The following FBXL13 variants were observed in gnomAD, a reference collection of about 807,000 sequenced individuals.
FBXL13 encodes the protein F-box and leucine-rich repeat protein 13.
FBXL13 carries 67 observed loss-of-function variants against 83.6 expected under a neutral mutation model. The observed-to-expected ratio is 0.80, with a 90% CI of 0.66 to 0.98. The LOEUF (loss-of-function observed/expected upper bound fraction) is 0.98. Among genes scored for constraint, FBXL13 ranks in the 50% least tolerant of loss-of-function variants. FBXL13 has a pLI of 0.00. For missense variants in FBXL13, 822 were observed against 866.5 expected (o/e 0.95, Z 0.64); for synonymous variants, 272 against 299.5 (o/e 0.91, Z 0.95).
downstream of FBXL13, among the ~76,000 whole-genome samples, chr7:102,811,720 A>C (rs1417961222): frequency 6.6e-6 from 1 of 152,146 alleles, no homozygotes; most frequent in East Asian, 1.9e-4. Context: ...ATTTTTGAAA[A>C]CATCTTTAAT....
intron 11 of FBXL13, among the ~76,000 whole-genome samples, chr7:102,909,660 C>T (rs1400985164): frequency 1.3e-5 from 2 of 152,102 alleles, no homozygotes; most frequent in African/African-American, 4.8e-5. Flanking sequence ...CCTTCTGGCC[C>T]AGAGTGTGTC....
At chr7:102,888,103 T>A (rs574812336) in intron 11 of FBXL13, among the ~76,000 whole-genome samples, 28 of 152,366 alleles carry the variant, frequency 1.8e-4, no homozygotes, top group African/African-American at 6.5e-4. Context: ...GTGTGTGCCT[T>A]ACTTTCCTTC....
intron 16 of FBXL13, 132 bp from the exon 18 acceptor site, chr7:102,854,992 A>G (rs1020781290): frequency 3.4e-5 from 17 of 506,042 alleles, no homozygotes; most frequent in Non-Finnish European, 4.8e-5. Context: ...AGTTGCTGTC[A>G]TATTTCTTTA....
chr7:102,905,298 G>T (rs1813590636), intron 11 of FBXL13, among the ~76,000 whole-genome samples: 1 of 152,096 alleles, frequency 6.6e-6, no homozygotes, highest in Admixed American at 6.5e-5. Context: ...CTCCAGTGTT[G>T]GGTGCATATA....
chr7:102,931,730 G>A, intron 9 of FBXL13, 151 bp downstream of exon 10: 2 of 626,560 alleles, frequency 3.2e-6, no homozygotes, highest in Non-Finnish European at 5.5e-6. Flanking sequence ...TTGTGCAGAT[G>A]GAGTAAAATT....
chr7:102,924,740 C>A (rs1033811250), intron 10 of FBXL13, among the ~76,000 whole-genome samples: 2 of 146,320 alleles, frequency 1.4e-5, no homozygotes, highest in African/African-American at 5.0e-5. Flanking sequence ...CTCCTGGGTT[C>A]ATGCCATTCT....
At chr7:102,976,551 CACCTTAAA>C (rs1263720293) in intron 6 of FBXL13, among the ~76,000 whole-genome samples, 2 of 152,154 alleles carry the variant, frequency 1.3e-5, no homozygotes, top group African/African-American at 4.8e-5. Flanking sequence ...TCCAACCTCC[CACCTTAAA>C]ACATGCAACC....
At chr7:103,021,178 G>A (rs1213006076) in intron 6 of FBXL13, among the ~76,000 whole-genome samples, 31 of 152,006 alleles carry the variant, frequency 2.0e-4, no homozygotes, top group African/African-American at 5.6e-4. Flanking sequence ...AAATAATGCC[G>A]CATATCTACA....
intron 6 of FBXL13, among the ~76,000 whole-genome samples, chr7:102,983,213 A>G (rs1327545653): frequency 6.6e-6 from 1 of 152,094 alleles, no homozygotes; most frequent in African/African-American, 2.4e-5. Context: ...CAATTTCCTC[A>G]TGCAGTGTAG....
In FBXL13 at chr7:102,972,955, G is replaced by GTTA. The variant is rs1402789272; in HGVS notation, c.496-4839_496-4838insTAA. Among the ~76,000 whole-genome samples the GTTA allele has an allele frequency of 5.9e-5, 9 of 151,972 alleles. No homozygotes were observed. The East Asian group carries it at 1.7e-3, about 29-fold the overall frequency. On this transcript the variant is annotated intron_variant, in intron 6 of 19. Transcript: ENST00000313221. ...CAAATAATAATTAAAATGCATTTAT[G>GTTA]GTTAAAATGTGATGTTTTGATTTAT...
At chr7:103,066,884 T>C (rs939299054) in intron 1 of FBXL13, among the ~76,000 whole-genome samples, 25 of 150,618 alleles carry the variant, frequency 1.7e-4, no homozygotes, top group African/African-American at 6.1e-4. Context: ...CTTCGCCTCC[T>C]GGGTTCAAGA....
At chr7:102,880,462 T>C (rs1484198017) in intron 14 of FBXL13, among the ~76,000 whole-genome samples, 2 of 152,230 alleles carry the variant, frequency 1.3e-5, no homozygotes, top group Non-Finnish European at 2.9e-5. Context: ...TCAATAACTA[T>C]ATTACATCAT....
chr7:102,835,702 C>T (rs960434957), intron 17 of FBXL13, among the ~76,000 whole-genome samples: 4 of 137,524 alleles, frequency 2.9e-5, no homozygotes, highest in East Asian at 2.2e-4. Flanking sequence ...CTCCGCCTCC[C>T]GGGTTCACGC....
intron 6 of FBXL13, among the ~76,000 whole-genome samples, chr7:102,984,444 A>G (rs921525915): frequency 5.9e-5 from 9 of 152,240 alleles, no homozygotes; most frequent in African/African-American, 2.2e-4. Context: ...CTTATGCAAT[A>G]ATGAAGGCCA....
At chr7:102,943,217 G>A (rs1342499254) in intron 8 of FBXL13, among the ~76,000 whole-genome samples, 1 of 152,048 alleles carries the variant, frequency 6.6e-6, no homozygotes, top group Non-Finnish European at 1.5e-5. Context: ...TGATATCCCA[G>A]GAACTGTCAG....
chr7:102,954,129 C>A (rs191337424), intron 8 of FBXL13, among the ~76,000 whole-genome samples: 1 of 152,134 alleles, frequency 6.6e-6, no homozygotes, highest in Non-Finnish European at 1.5e-5. Context: ...GGCAGAGCAT[C>A]GCCTCACCCA....
At chr7:102,858,712 A>T (rs1056393536) in intron 16 of FBXL13, among the ~76,000 whole-genome samples, 10 of 152,232 alleles carry the variant, frequency 6.6e-5, no homozygotes, top group African/African-American at 1.9e-4. Flanking sequence ...TGAAAATATC[A>T]TCCTAAGTAA....
intron 8 of FBXL13, among the ~76,000 whole-genome samples, chr7:102,952,503 A>G (rs946566885): frequency 6.6e-6 from 1 of 152,218 alleles, no homozygotes; most frequent in African/African-American, 2.4e-5. Flanking sequence ...GTACATTAGT[A>G]CTGACTTTAC....
chr7:102,829,146 G>A (rs1388808125), intron 18 of FBXL13, among the ~76,000 whole-genome samples: 1 of 152,220 alleles, frequency 6.6e-6, no homozygotes, highest in Non-Finnish European at 1.5e-5. Flanking sequence ...ACCCTCAGCT[G>A]CGGTGCAAGT....
Sources: gnomAD v4.1 joint callset for allele counts (sites outside exome capture counted in the v4.1 genomes callset) on GRCh38, gnomAD v4.1.1 for gene constraint, MANE v1.5 for transcripts, NCBI Gene and HGNC (gene_info 2026-07-23, HGNC 2026-07-21) for gene names.